The following ROR1 variants were observed in gnomAD, a reference collection of about 807,000 sequenced individuals.
The protein encoded by ROR1 is inactive tyrosine-protein kinase transmembrane receptor ROR1.
ROR1 carries 19 observed loss-of-function variants against 78.8 expected under a neutral mutation model. The observed-to-expected ratio is 0.24, with a 90% CI of 0.17 to 0.35. The LOEUF (loss-of-function observed/expected upper bound fraction) is 0.35, where lower values mean the gene tolerates loss of function less well. Ranked by LOEUF, ROR1 falls within the 10% of genes least tolerant of loss-of-function variation. The pLI is 1.00. For synonymous variants in ROR1, 386 were observed against 433.6 expected (o/e 0.89, Z 1.36); for missense variants, 917 against 1,177.8 (o/e 0.78, Z 3.24).
At chr1:63,996,894 G>A (rs1483504587) in intron 1 of ROR1, among the ~76,000 whole-genome samples, 1 of 152,104 alleles carries the variant, frequency 6.6e-6, no homozygotes, top group Non-Finnish European at 1.5e-5. Flanking sequence ...GGGGACCTTA[G>A]GCAAGTTCTC....
chr1:64,002,618 G>A (rs914140641), intron 1 of ROR1, among the ~76,000 whole-genome samples: 1 of 152,036 alleles, frequency 6.6e-6, no homozygotes, highest in African/African-American at 2.4e-5. Flanking sequence ...GGTGCTTTTT[G>A]TAGCATAGTT....
chr1:64,166,222 C>T (rs912679474), intron 8 of ROR1, among the ~76,000 whole-genome samples: 6 of 152,284 alleles, frequency 3.9e-5, no homozygotes, highest in African/African-American at 1.4e-4. Flanking sequence ...TTCCATTGTT[C>T]TATGTGTCTG....
chr1:63,947,303 C>G (rs1014285240), intron 1 of ROR1, among the ~76,000 whole-genome samples: 3 of 152,192 alleles, frequency 2.0e-5, no homozygotes, highest in Non-Finnish European at 4.4e-5. Context: ...GCATTACCAT[C>G]TATGCTAATA....
chr1:63,977,194 TG>T (rs1443127549), intron 1 of ROR1, among the ~76,000 whole-genome samples: 1 of 152,042 alleles, frequency 6.6e-6, no homozygotes, highest in East Asian at 1.9e-4. Context: ...CCATGACACA[TG>T]GGGAATTATG....
intron 1 of ROR1, among the ~76,000 whole-genome samples, chr1:63,901,561 G>A (rs750958291): frequency 4.0e-5 from 6 of 151,148 alleles, no homozygotes; most frequent in Admixed American, 6.6e-5. Context: ...TAGAGATTTT[G>A]TCCTAAATCA....
rs549761953 is a variant in ROR1, at chr1:64,121,650, A to T, written c.483-15719A>T. 6.6e-5 allele frequency among the ~76,000 whole-genome samples: 10 copies of T among 151,844 alleles called. No individual in the cohort carries two copies. In the South Asian group the frequency reaches 1.9e-3, roughly 29 times the overall value. ...ATAACGGTAATAAAAGTGGACTAAC[A>T]TAATTGGTCTCATTATTGTTTTTAT... On this transcript the variant is annotated intron_variant, in intron 4 of 8. Transcript: ENST00000371079.
chr1:63,885,842 A>G (rs1645353041), intron 1 of ROR1, among the ~76,000 whole-genome samples: 1 of 152,172 alleles, frequency 6.6e-6, no homozygotes, highest in African/African-American at 2.4e-5. Context: ...TAGTTTCATG[A>G]AAGGTAGTTC....
At chr1:64,008,925 GC>G (rs1314371414) in intron 1 of ROR1, among the ~76,000 whole-genome samples, 3 of 152,134 alleles carry the variant, frequency 2.0e-5, no homozygotes, top group Non-Finnish European at 4.4e-5. Flanking sequence ...GAGCCACTGT[GC>G]CCAGCGTGAC....
chr1:64,131,772 G>A (rs1477525560), intron 4 of ROR1, among the ~76,000 whole-genome samples: 2 of 151,936 alleles, frequency 1.3e-5, no homozygotes, highest in Non-Finnish European at 2.9e-5. Context: ...GTGCCACCAT[G>A]CCCTGCTAAT....
intron 1 of ROR1, among the ~76,000 whole-genome samples, chr1:63,921,530 C>T (rs889232095): frequency 9.2e-5 from 14 of 152,064 alleles, no homozygotes; most frequent in Admixed American, 1.3e-4. Context: ...TGGTTGTTGT[C>T]GCTACCATGT....
rs190826032 is a variant in ROR1 at position 64,103,023 on chromosome 1, C to T, written c.483-34346C>T. On this transcript the variant is annotated intron_variant, in intron 4 of 8. Transcript: ENST00000371079. Reference sequence around the variant, plus strand: ...GGCCAGGCCTGGTGTTACTTACAAACTCCAGGTACACAAGAATGAGGCTCT... The same window carrying T: ...GGCCAGGCCTGGTGTTACTTACAAATTCCAGGTACACAAGAATGAGGCTCT... Among the ~76,000 whole-genome samples, 3 of 152,290 alleles carry T rather than the reference C, an allele frequency of 2.0e-5. No homozygotes were observed. In the East Asian group the frequency reaches 5.8e-4, roughly 29 times the overall value.
intron 1 of ROR1, among the ~76,000 whole-genome samples, chr1:63,936,361 C>T (rs914251125): frequency 6.6e-6 from 1 of 152,124 alleles, no homozygotes; most frequent in African/African-American, 2.4e-5. Context: ...TTTCTGAAGT[C>T]TCTCCTCTTC....
At chr1:63,826,561 C>G (rs962595223) in intron 1 of ROR1, among the ~76,000 whole-genome samples, 2 of 151,942 alleles carry the variant, frequency 1.3e-5, no homozygotes, top group East Asian at 3.9e-4. Context: ...TATATGCATG[C>G]CTGTGTCTTT....
chr1:63,983,630 T>C (rs111966740), intron 1 of ROR1, among the ~76,000 whole-genome samples: 2,744 of 152,316 alleles, frequency 0.018, 43 homozygotes, highest in Non-Finnish European at 0.027. Context: ...CAGAATGGTC[T>C]GGTTTCTAAC....
chr1:63,782,935 A>G lies in ROR1; in HGVS notation c.91+8427A>G, dbSNP rs377020781. Reference sequence around the variant, plus strand: ...GGTGGGTCTTTCGGGAGGAAGTGTGATATGATGTGAGCCTTGAAGGAAGGA... The same window carrying G: ...GGTGGGTCTTTCGGGAGGAAGTGTGGTATGATGTGAGCCTTGAAGGAAGGA... On this transcript the variant is annotated intron_variant, in intron 1 of 8. Coordinates refer to ENST00000371079, the MANE Select transcript of ROR1 (RefSeq NM_005012.4). Among the ~76,000 whole-genome samples, 8 of 152,208 alleles carry G rather than the reference A, an allele frequency of 5.3e-5. No individual in the cohort carries two copies. In the East Asian group the frequency reaches 1.4e-3, roughly 26 times the overall value.
chr1:63,965,285 G>A (rs778714686), intron 1 of ROR1, among the ~76,000 whole-genome samples: 3 of 152,140 alleles, frequency 2.0e-5, no homozygotes, highest in East Asian at 1.9e-4. Context: ...CTTTAGATGT[G>A]TGTATTTACA....
intron 4 of ROR1, among the ~76,000 whole-genome samples, chr1:64,125,666 A>C (rs1648687406): frequency 6.6e-6 from 1 of 152,118 alleles, no homozygotes; most frequent in Admixed American, 6.5e-5. Context: ...CGAAACTAAA[A>C]GACTAAAGTT....
At chr1:63,889,338 G>T (rs893869409) in intron 1 of ROR1, among the ~76,000 whole-genome samples, 1 of 152,176 alleles carries the variant, frequency 6.6e-6, no homozygotes, top group Non-Finnish European at 1.5e-5. Flanking sequence ...GGGCTATCTT[G>T]AAGGCTGGTT....
chr1:64,024,005 CCTCT>C (rs1557614016), intron 2 of ROR1, among the ~76,000 whole-genome samples: 1 of 152,152 alleles, frequency 6.6e-6, no homozygotes, highest in Admixed American at 6.5e-5. Context: ...TGTGGCAGTT[CCTCT>C]CTCTCTTTCT....
Sources: gnomAD v4.1 joint callset for allele counts (sites outside exome capture counted in the v4.1 genomes callset) on GRCh38, gnomAD v4.1.1 for gene constraint, MANE v1.5 for transcripts, NCBI Gene and HGNC (gene_info 2026-07-23, HGNC 2026-07-21) for gene names.